CUX1: variants seen among roughly 807,000 people sequenced by gnomAD.
CUX1 encodes the protein protein CASP.
Under a neutral mutation model 158.8 loss-of-function variants are expected in CUX1, and 31 were observed. The observed-to-expected ratio is 0.20, with a 90% CI of 0.15 to 0.26. The LOEUF (loss-of-function observed/expected upper bound fraction) is 0.26, where lower values mean the gene tolerates loss of function less well. Ranked by LOEUF, CUX1 falls within the 10% of genes least tolerant of loss-of-function variation. CUX1 has a pLI of 1.00. For synonymous variants in CUX1, 879 were observed against 862.1 expected (o/e 1.02, Z -0.34); for missense variants, 1,589 against 2,014.6 (o/e 0.79, Z 4.04).
intron 2 of CUX1, among the ~76,000 whole-genome samples, chr7:102,024,074 G>T (rs924018866): frequency 2.0e-5 from 3 of 152,218 alleles, no homozygotes; most frequent in Non-Finnish European, 4.4e-5. Context: ...CTCAGAGCTG[G>T]TGTTTGCGTG....
At chr7:101,925,145 G>A (rs973830270) in intron 2 of CUX1, among the ~76,000 whole-genome samples, 20 of 152,002 alleles carry the variant, frequency 1.3e-4, no homozygotes, top group African/African-American at 4.3e-4. Context: ...ATTCCACTCC[G>A]TCACCCGGGT....
intron 4 of CUX1, among the ~76,000 whole-genome samples, chr7:102,075,847 T>C (rs1331379956): frequency 1.3e-5 from 2 of 152,204 alleles, no homozygotes; most frequent in Non-Finnish European, 2.9e-5. Context: ...GCACTTAGCA[T>C]TCGGAGTTGC....
intron 1 of CUX1, among the ~76,000 whole-genome samples, chr7:101,840,913 AG>A: frequency 6.6e-6 from 1 of 150,388 alleles, no homozygotes; most frequent in Admixed American, 6.6e-5. Flanking sequence ...TTTTTTTTTG[AG>A]ACGGAGTCTT....
chr7:101,958,599 G>A (rs1810061965), intron 2 of CUX1, among the ~76,000 whole-genome samples: 1 of 150,008 alleles, frequency 6.7e-6, no homozygotes, highest in Non-Finnish European at 1.5e-5. Context: ...TTCTTCCTCG[G>A]CCCCTCAAGT....
At chr7:102,037,239 C>T (rs186654756) in intron 3 of CUX1, among the ~76,000 whole-genome samples, 20 of 152,308 alleles carry the variant, frequency 1.3e-4, no homozygotes, top group African/African-American at 3.9e-4. Context: ...CCCTACCTTA[C>T]ACCGTGTGGA....
intron 19 of CUX1, among the ~76,000 whole-genome samples, 160 bp from the exon 20 acceptor site, chr7:102,204,954 C>T (rs1043361656): frequency 1.3e-5 from 2 of 152,242 alleles, no homozygotes; most frequent in African/African-American, 4.8e-5. Flanking sequence ...GCCCGGGGGC[C>T]TGGCCTTGCA....
At chr7:102,019,180 C>A (rs1198472617) in intron 2 of CUX1, among the ~76,000 whole-genome samples, 2 of 152,104 alleles carry the variant, frequency 1.3e-5, no homozygotes, top group African/African-American at 4.8e-5. Flanking sequence ...AGATAACCGC[C>A]CCCGCGCCCC....
At chr7:102,177,246 TC>T (rs1792475470) in intron 10 of CUX1, among the ~76,000 whole-genome samples, 1 of 151,504 alleles carries the variant, frequency 6.6e-6, no homozygotes, top group East Asian at 1.9e-4. Flanking sequence ...AAACCCCATC[TC>T]TACTAAAAAT....
intron 4 of CUX1, among the ~76,000 whole-genome samples, chr7:102,080,335 G>A (rs1003608242): frequency 3.3e-5 from 5 of 152,110 alleles, no homozygotes; most frequent in East Asian, 1.9e-4. Context: ...TTCATCAGTC[G>A]CTCATCAGCA....
chr7:102,043,323 C>CTCTGTG (rs376535414), intron 3 of CUX1, among the ~76,000 whole-genome samples: 31 of 139,154 alleles, frequency 2.2e-4, no homozygotes, highest in African/African-American at 7.7e-4. Context: ...CATTAGCTCA[C>CTCTGTG]TGTGTGTGTG....
chr7:102,163,277 TGAG>T (rs1790654824), intron 9 of CUX1, among the ~76,000 whole-genome samples: 2 of 150,304 alleles, frequency 1.3e-5, no homozygotes, highest in Non-Finnish European at 3.0e-5. Context: ...CTTGAGCCCA[TGAG>T]TTTGAGACCA....
At chr7:102,221,263 C>T (rs1797765003) in intron 20 of CUX1, among the ~76,000 whole-genome samples, 1 of 152,274 alleles carries the variant, frequency 6.6e-6, no homozygotes, top group Admixed American at 6.5e-5. Flanking sequence ...TTTGTTTCAG[C>T]AACTTGTCCT....
intron 20 of CUX1, among the ~76,000 whole-genome samples, chr7:102,219,193 A>AG (rs1289709557): frequency 6.6e-6 from 1 of 151,498 alleles, no homozygotes; most frequent in African/African-American, 2.4e-5. Flanking sequence ...GTCCCTGCAG[A>AG]GGGTGTGTGT....
At chr7:102,235,106 C>T (rs557201054) in intron 22 of CUX1, among the ~76,000 whole-genome samples, 18 of 152,340 alleles carry the variant, frequency 1.2e-4, no homozygotes, top group Admixed American at 3.3e-4. Context: ...CACGTGCACC[C>T]ACATGTCATC....
chr7:102,052,365 A>G (rs375873599), intron 3 of CUX1, among the ~76,000 whole-genome samples: 127 of 152,330 alleles, frequency 8.3e-4, no homozygotes, highest in South Asian at 7.2e-3. Flanking sequence ...AACATTTCAT[A>G]TCAATGAGAT....
chr7:102,089,191 G>C (rs1408284695), intron 4 of CUX1, among the ~76,000 whole-genome samples: 1 of 151,874 alleles, frequency 6.6e-6, no homozygotes, highest in Non-Finnish European at 1.5e-5. Context: ...GATTCTTTAT[G>C]TTTTCTGTTC....
intron 1 of CUX1, among the ~76,000 whole-genome samples, chr7:101,868,294 C>T (rs944984704): frequency 2.0e-5 from 3 of 152,198 alleles, no homozygotes; most frequent in African/African-American, 7.2e-5. Context: ...AGTCCCTTTA[C>T]GGCACCTGTG....
At chr7:101,816,537 G>A (rs866987260), upstream of CUX1, among the ~76,000 whole-genome samples, 1,164 of 141,726 alleles carry the variant, frequency 8.2e-3, 10 homozygotes, top group Non-Finnish European at 0.012. Context: ...GGCGGCGGCG[G>A]GCGCCGGGAG....
rs1206664461 is a variant in CUX1, at chr7:101,869,493, A to G, written c.31-46622A>G. 1.3e-5 allele frequency among the ~76,000 whole-genome samples: 2 copies of G among 152,112 alleles called. No individual in the cohort carries two copies. Among genetic ancestry groups the G allele is most frequent in the African/African-American group, 4.8e-5 (2 of 41,422 alleles). ...ATCTCTGAGGATGGAATTTAAAGGC[A>G]AGAGCTGGAGGCCCAGGGCTGAGGC... On this transcript the variant is annotated intron_variant, in intron 1 of 23. Transcript: ENST00000292535. This position sits in a 1 kb window ranked among gnomAD's most constrained non-coding sequence, Gnocchi z 4.5.
Sources: allele counts gnomAD v4.1 joint callset (sites outside exome capture counted in the v4.1 genomes callset), GRCh38; gene constraint gnomAD v4.1.1; non-coding constraint Gnocchi (gnomAD v3.1); transcripts MANE v1.5; gene names NCBI Gene and HGNC (gene_info 2026-07-23, HGNC 2026-07-21).